FRMD4B: variants seen among roughly 807,000 people sequenced by gnomAD.
FRMD4B encodes FERM domain-containing protein 4B.
In FRMD4B, 74 loss-of-function variants were observed where a neutral mutation model predicts 141.5. The observed-to-expected ratio is 0.52, with a 90% CI of 0.43 to 0.63. The LOEUF (loss-of-function observed/expected upper bound fraction) is 0.63, where lower values mean the gene tolerates loss of function less well. FRMD4B is among the 30% of genes least tolerant of loss of function. The pLI, the probability that FRMD4B is intolerant of heterozygous loss-of-function variation, is 0.00. For synonymous variants in FRMD4B, 506 were observed against 467.9 expected (o/e 1.08, Z -1.05); for missense variants, 1,366 against 1,253.4 (o/e 1.09, Z -1.36).
intron 1 of FRMD4B, among the ~76,000 whole-genome samples, chr3:69,454,912 G>A (rs1344684644): frequency 1.3e-5 from 2 of 152,270 alleles, no homozygotes; most frequent in African/African-American, 4.8e-5. Context: ...GGGACTTGGA[G>A]AACTTTCATG....
At chr3:69,414,866 T>G (rs1029124353) in intron 2 of FRMD4B, among the ~76,000 whole-genome samples, 3 of 147,070 alleles carry the variant, frequency 2.0e-5, no homozygotes, top group South Asian at 2.3e-4. Context: ...AAGCTGTTTT[T>G]TTTTTTTTTT....
At chr3:69,385,414 G>GCCC (rs1475461130) in intron 1 of FRMD4B, among the ~76,000 whole-genome samples, 1 of 152,050 alleles carries the variant, frequency 6.6e-6, no homozygotes, top group Non-Finnish European at 1.5e-5. Flanking sequence ...ATCCACCAAG[G>GCCC]CCCCCTCTGC....
At chr3:69,295,560 C>G (rs577565536) in intron 4 of FRMD4B, among the ~76,000 whole-genome samples, 129 of 152,208 alleles carry the variant, frequency 8.5e-4, no homozygotes, top group African/African-American at 2.9e-3. Flanking sequence ...CTCAAGTGCT[C>G]CACCTGCCTT....
intron 1 of FRMD4B, among the ~76,000 whole-genome samples, chr3:69,490,167 G>A (rs1706279577): frequency 6.6e-6 from 1 of 152,114 alleles, no homozygotes; most frequent in South Asian, 2.1e-4. Context: ...GCCCTAATAT[G>A]ATTACACTAA....
chr3:69,514,685 C>T (rs1422094112), intron 1 of FRMD4B, among the ~76,000 whole-genome samples: 2 of 101,962 alleles, frequency 2.0e-5, no homozygotes, highest in Non-Finnish European at 4.1e-5. Context: ...AAGACTCCAT[C>T]TTAAATAAAT....
intron 1 of FRMD4B, among the ~76,000 whole-genome samples, chr3:69,363,392 CTTTTT>C (rs1270266886): frequency 5.1e-5 from 7 of 136,438 alleles, no homozygotes; most frequent in Non-Finnish European, 9.6e-5. Context: ...GCCTCCATGC[CTTTTT>C]TTTTTTTTTT....
intron 1 of FRMD4B, among the ~76,000 whole-genome samples, chr3:69,372,442 A>C (rs1373201223): frequency 6.6e-6 from 1 of 152,226 alleles, no homozygotes; most frequent in Non-Finnish European, 1.5e-5. Flanking sequence ...AAGTGGGCGG[A>C]TCACCCGAGG....
At chr3:69,280,424 C>T (rs754403456) in intron 5 of FRMD4B, among the ~76,000 whole-genome samples, 5 of 152,154 alleles carry the variant, frequency 3.3e-5, no homozygotes, top group Non-Finnish European at 7.4e-5. Context: ...AGTGCTAGTG[C>T]ACTCCTGAAA....
intron 1 of FRMD4B, among the ~76,000 whole-genome samples, chr3:69,460,233 T>C (rs1705689049): frequency 6.6e-6 from 1 of 152,316 alleles, no homozygotes; most frequent in East Asian, 1.9e-4. Flanking sequence ...CGATGCCAGA[T>C]GACAAGCCAA....
chr3:69,535,120 G>A (rs1701065154), intron 1 of FRMD4B, among the ~76,000 whole-genome samples: 1 of 152,074 alleles, frequency 6.6e-6, no homozygotes, highest in Non-Finnish European at 1.5e-5. Flanking sequence ...AGAAACTGAG[G>A]CACAAAAAAA....
intron 3 of FRMD4B, 46 bp from the exon 4 acceptor site, chr3:69,302,481 A>G: frequency 8.5e-7 from 1 of 1,173,164 alleles, no homozygotes; most frequent in Non-Finnish European, 1.3e-6. Context: ...AAAGTCAGAA[A>G]AGTTCAACAA....
At chr3:69,317,550 C>A (rs973254164) in intron 1 of FRMD4B, among the ~76,000 whole-genome samples, 1 of 151,950 alleles carries the variant, frequency 6.6e-6, no homozygotes, top group Admixed American at 6.6e-5. Context: ...AGTTCTAAAC[C>A]AGCCTGGCCA....
intron 19 of FRMD4B, among the ~76,000 whole-genome samples, chr3:69,187,038 A>C (rs1386099477): frequency 6.6e-6 from 1 of 152,160 alleles, no homozygotes; most frequent in Non-Finnish European, 1.5e-5. Context: ...TATGAGTTTA[A>C]GTCCCATGTT....
rs116394818 is a variant in FRMD4B at position 69,318,894 on chromosome 3, C to T, written c.163-5377G>A. 4.4e-3 allele frequency among the ~76,000 whole-genome samples: 671 copies of T among 152,248 alleles called. 4 individuals are homozygous for T. The highest frequency in any genetic ancestry group is 0.015 in the African/African-American group (624 of 41,528). On this transcript the variant is annotated intron_variant, in intron 1 of 22. Transcript: ENST00000398540. Reference sequence around the variant, plus strand: ...GGCAGGGCAGAGTAGTTCTCTATTCCGATGAGCTTTGTGGTCTCTGGTTCA... The same window carrying T: ...GGCAGGGCAGAGTAGTTCTCTATTCTGATGAGCTTTGTGGTCTCTGGTTCA...
At chr3:69,484,102 G>A (rs2106996883) in intron 1 of FRMD4B, among the ~76,000 whole-genome samples, 2 of 152,246 alleles carry the variant, frequency 1.3e-5, no homozygotes, top group African/African-American at 4.8e-5. Context: ...TTACCTCAAA[G>A]CTTTTTGAGC....
At chr3:69,491,959 C>G (rs980360085) in intron 1 of FRMD4B, among the ~76,000 whole-genome samples, 1 of 152,156 alleles carries the variant, frequency 6.6e-6, no homozygotes, top group Admixed American at 6.5e-5. Flanking sequence ...GAGATTATAC[C>G]TAAGCCTCCT....
At chr3:69,294,698 G>A (rs1021311134) in intron 4 of FRMD4B, among the ~76,000 whole-genome samples, 1 of 152,260 alleles carries the variant, frequency 6.6e-6, no homozygotes, top group East Asian at 1.9e-4. Flanking sequence ...GCTGTGACCT[G>A]CCAGGAAGGG....
rs1320720166 is a variant in FRMD4B at position 69,198,744 on chromosome 3, A to G, written c.907T>C (p.Tyr303His). 1.9e-6 allele frequency: 3 copies of G among 1,563,004 alleles called. No homozygotes were observed. The highest frequency in any genetic ancestry group is 1.8e-5 in the Admixed American group (1 of 55,100). ...LFQWKQLENL[Y>H]FREKKFAVEV... The stretch of plus-strand genomic sequence containing the variant: ...ACAGCAAATTTTTTCTCACGGAAAT[A>G]TAAGTTCTCCAGCTGTTTCCATTGG... The change falls in exon 12 of 23, where the codon TAT (tyrosine) becomes CAT (histidine). Residue 303 changes from tyrosine to histidine, a missense_variant. Physicochemically the swap from Tyr to His is moderately conservative, Grantham distance 83 (BLOSUM62 2). Coordinates refer to ENST00000398540, the MANE Select transcript of FRMD4B (RefSeq NM_015123.3).
intron 3 of FRMD4B, among the ~76,000 whole-genome samples, chr3:69,309,466 G>T (rs1222036374): frequency 6.6e-6 from 1 of 151,558 alleles, no homozygotes; most frequent in African/African-American, 2.4e-5. Flanking sequence ...TTGAGACAAG[G>T]TCTCACTCTG....
Sources: gnomAD v4.1 joint callset for allele counts (sites outside exome capture counted in the v4.1 genomes callset) on GRCh38, gnomAD v4.1.1 for gene constraint, MANE v1.5 for transcripts, NCBI Gene and HGNC (gene_info 2026-07-23, HGNC 2026-07-21) for gene names.